TTN: variants seen among roughly 807,000 people sequenced by gnomAD.
The protein encoded by TTN is titin.
TTN carries 1,525 observed loss-of-function variants against 3,223.0 expected under a neutral mutation model. That is an observed-to-expected ratio of 0.47 (90% CI 0.45 to 0.49). The LOEUF is 0.49. Among genes scored for constraint, TTN ranks in the 20% least tolerant of loss-of-function variants. The pLI, the probability that TTN is intolerant of heterozygous loss-of-function variation, is 0.00. For missense variants in TTN, 40,786 were observed against 43,424.0 expected (o/e 0.94, Z 5.40); for synonymous variants, 14,094 against 15,161.0 (o/e 0.93, Z 5.17).
chr2:178,610,574 C>T (rs957533178), intron 270 of TTN, among the ~76,000 whole-genome samples, 185 bp from the exon 271 acceptor site: 1 of 151,848 alleles, frequency 6.6e-6, no homozygotes, highest in African/African-American at 2.4e-5. Flanking sequence ...TGGTATCTAC[C>T]TCAAGTCTGT....
rs1470719123 is a variant in TTN, at chr2:178,713,207, A to G, written c.26927T>C (p.Leu8976Pro). The G allele has an allele frequency of 6.2e-7, 1 of 1,613,568 alleles. No homozygotes were observed. The highest frequency in any genetic ancestry group is 8.5e-7 in the Non-Finnish European group (1 of 1,179,742). ...AGTTAAAGCACAAGTATTATCTGTC[A>G]GGGTGGTCTGGTATTTCCTTCCACT... ...ISSGRKYQTT[L>P]TDNTCALTVN... Residue 8976 changes from leucine to proline, a missense_variant, in exon 93 of 363, where the codon CTG (leucine) becomes CCG (proline). Physicochemically the swap from Leu to Pro is moderately conservative, Grantham distance 98. Coordinates refer to ENST00000589042, the MANE Select transcript of TTN (RefSeq NM_001267550.2).
intron 150 of TTN, 91 bp downstream of exon 150, chr2:178,674,948 G>T: frequency 1.5e-6 from 1 of 647,910 alleles, no homozygotes; most frequent in Non-Finnish European, 2.4e-6. Context: ...TTGATTTCCT[G>T]GGGTAAATTT....
At position 178,621,178 on chromosome 2, in the gene TTN, A is replaced by G. The variant is rs1375968752; in HGVS notation, c.45540T>C (p.Asp15180=). Residue 15180 remains aspartate (D), a synonymous_variant, in exon 246 of 363, where the codon GAT becomes GAC. Coordinates refer to ENST00000589042, the MANE Select transcript of TTN (RefSeq NM_001267550.2). ...AAGTGCCCATATCTTGTAATGTGGC[A>G]TCTTTCACAACTAGGACCCTCTTTT... is the stretch of plus-strand genomic sequence containing the variant. ...DGKKRVLVVK[D]ATLQDMGTYV... 1.2e-6 allele frequency: 2 copies of G among 1,612,574 alleles called. No homozygotes were observed. The highest frequency in any genetic ancestry group is 3.3e-5 in the Admixed American group (2 of 59,826).
rs906583017 is a variant in TTN, at chr2:178,554,533, A to T, written c.88814T>A (p.Ile29605Asn). The change falls in exon 332 of 363, where the codon ATC (isoleucine) becomes AAC (asparagine). Residue 29605 changes from isoleucine to asparagine, a missense_variant. Physicochemically the swap from Ile to Asn is moderately radical, Grantham distance 149. Transcript: ENST00000589042. Reference sequence around the variant, plus strand: ...TTTGTTCACGGCTCGGACCCGGAAGATGTATTCATTTCCTTTGATAATTTT... The same window carrying T: ...TTTGTTCACGGCTCGGACCCGGAAGTTGTATTCATTTCCTTTGATAATTTT... ...TTKIIKGNEY[I>N]FRVRAVNKYG... The T allele has an allele frequency of 1.2e-6, 2 of 1,613,576 alleles. No individual in the cohort carries two copies. The highest frequency in any genetic ancestry group is 1.7e-6 in the Non-Finnish European group (2 of 1,179,836).
rs1354157936 is a variant in TTN at position 178,590,528 on chromosome 2, A to G, written c.61197T>C (p.Gly20399=). The G allele has an allele frequency of 1.9e-6, 3 of 1,612,840 alleles. No homozygotes were observed. The highest frequency in any genetic ancestry group is 2.5e-6 in the Non-Finnish European group (3 of 1,179,360). The change falls in exon 304 of 363, where the codon GGT becomes GGC. Residue 20399 remains glycine (G), a synonymous_variant. Transcript: ENST00000589042. ...DLVWTKPLSD[G]GSPILGYVVE... ...CTACATATCCTAGAATGGGGCTACC[A>G]CCATCACTGAGAGGCTTTGTCCACA... is the stretch of plus-strand genomic sequence containing the variant.
At position 178,618,386 on chromosome 2, in the gene TTN, C is replaced by T. The variant is rs2057730753; in HGVS notation, c.47072G>A (p.Gly15691Asp). 3 of 1,612,360 alleles carry T rather than the reference C, an allele frequency of 1.9e-6. No homozygotes were observed. In the African/African-American group the frequency reaches 4.0e-5, roughly 22 times the overall value. ...AATGTCACGTCTTTCAACAACGTAA[C>T]CTATGATTTTGCTTCCACCATCAGT... is the stretch of plus-strand genomic sequence containing the variant. ...PLTDGGSKII[G>D]YVVERRDIKR... Residue 15691 changes from glycine (G) to aspartate (D), a missense_variant, in exon 252 of 363, where the codon GGT becomes GAT. Physicochemically the swap from Gly to Asp is moderately conservative, Grantham distance 94. Coordinates refer to ENST00000589042, the MANE Select transcript of TTN (RefSeq NM_001267550.2).
At position 178,563,203 on chromosome 2, in the gene TTN, G is replaced by A; in HGVS notation, c.82929C>T (p.Asn27643=). Residue 27643 remains asparagine, a synonymous_variant, in exon 326 of 363, where the codon AAC becomes AAT. Transcript: ENST00000589042. This position sits in a 1 kb window ranked among gnomAD's most constrained non-coding sequence, Gnocchi z 4.5. ...CAGAATTGATGGCACAAATACGGAAGTTATATTCAGTGTTTTCTTTAAGCT... is the reference window on the plus strand; with the variant it reads ...CAGAATTGATGGCACAAATACGGAAATTATATTCAGTGTTTTCTTTAAGCT... ...VTKLKENTEY[N]FRICAINSEG... 6.2e-7 allele frequency: 1 copy of A among 1,613,730 alleles called. No individual in the cohort carries two copies. The highest frequency in any genetic ancestry group is 1.1e-5 in the South Asian group (1 of 91,078).
intron 240 of TTN, chr2:178,628,655 C>A (rs932091374): frequency 6.6e-6 from 1 of 151,996 alleles, no homozygotes; most frequent in African/African-American, 2.4e-5. Flanking sequence ...TAGTTATTTA[C>A]CAAAGCTTAA....
intron 359 of TTN, 138 bp from the exon 360 acceptor site, chr2:178,529,357 T>C: frequency 1.7e-6 from 1 of 577,708 alleles, no homozygotes; most frequent in Non-Finnish European, 2.7e-6. Context: ...CCTAATACTT[T>C]CTCAGTTCCA....
chr2:178,730,187 G>A lies in TTN; in HGVS notation c.18213C>T (p.Leu6071=). The stretch of plus-strand genomic sequence containing the variant: ...CAGAATCGGTAGCTTTGGCTGCAAA[G>A]AGCTCTAGACTGGTAGAGGTGTCAT... ...WKDDTSTSLE[L]FAAKATDSGT... The change falls in exon 62 of 363, where the codon CTC becomes CTT. Residue 6071 remains leucine (L), a synonymous_variant. Coordinates refer to ENST00000589042, the MANE Select transcript of TTN (RefSeq NM_001267550.2). The A allele has an allele frequency of 6.2e-7, 1 of 1,613,478 alleles. No homozygotes were observed. Among genetic ancestry groups the A allele is most frequent in the South Asian group, 1.1e-5 (1 of 91,052 alleles).
At chr2:178,619,092 T>G (rs1217114766) in intron 250 of TTN, 2 of 565,722 alleles carry the variant, frequency 3.5e-6, no homozygotes, top group African/African-American at 3.8e-5. Flanking sequence ...AGACATGCAT[T>G]CCTTGCCAAA....
At chr2:178,738,553 T>C (rs947492393) in intron 48 of TTN, among the ~76,000 whole-genome samples, 193 bp from the exon 49 acceptor site, 1 of 151,888 alleles carries the variant, frequency 6.6e-6, no homozygotes, top group Non-Finnish European at 1.5e-5. Context: ...AAGCTTTTTT[T>C]AAAAAAAACC....
rs1162582746 is a variant in TTN, at chr2:178,582,980, T to C, written c.65823A>G (p.Ser21941=). Residue 21941 remains serine, a synonymous_variant, in exon 313 of 363, where the codon TCA becomes TCG. Coordinates refer to ENST00000589042, the MANE Select transcript of TTN (RefSeq NM_001267550.2). The part of the protein sequence containing the change: ...SGDYTITAEN[S]SGSKSATIKL... ...TAATGGTGGCTGATTTAGAACCACT[T>C]GAATTTTCAGCAGTAATGGTATAGT... 2 of 1,554,032 alleles carry C rather than the reference T, an allele frequency of 1.3e-6. No homozygotes were observed. The highest frequency in any genetic ancestry group is 1.7e-6 in the Non-Finnish European group (2 of 1,147,402).
chr2:178,650,832 G>A lies in TTN; in HGVS notation c.39628C>T (p.Pro13210Ser). The change falls in exon 209 of 363, where the codon CCA becomes TCA. Residue 13210 changes from proline (P) to serine (S), a missense_variant and splice_region_variant. Transcript: ENST00000589042. ...KKPEVPPAKV[P>S]EVPKKPVLEE... The stretch of plus-strand genomic sequence containing the variant: ...AAGACAGGTTTCTTTGGCACTTCTG[G>A]CACTTTAAAGATATTAATTCATTTT... 1 of 1,601,338 alleles carries A rather than the reference G, an allele frequency of 6.2e-7. No individual in the cohort carries two copies. Among genetic ancestry groups the A allele is most frequent in the Non-Finnish European group, 8.5e-7 (1 of 1,173,306 alleles).
intron 49 of TTN, chr2:178,737,258 G>A (rs1034284273): frequency 4.6e-5 from 7 of 151,732 alleles, no homozygotes; most frequent in Non-Finnish European, 1.0e-4. Flanking sequence ...ATATCAATTA[G>A]AAAATTGGGA....
In TTN at chr2:178,610,924, A is replaced by G. The variant is rs901580916; in HGVS notation, c.51136+69T>C. 2.5e-6 allele frequency: 4 copies of G among 1,573,660 alleles called. No homozygotes were observed. The African/African-American group carries it at 4.1e-5, about 16-fold the overall frequency. Reference sequence around the variant, plus strand: ...TCATGAAGCCAATTATATTATTAATAGCACTGCAAAGTTAACTAATTTCCT... The same window carrying G: ...TCATGAAGCCAATTATATTATTAATGGCACTGCAAAGTTAACTAATTTCCT... On this transcript the variant is annotated intron_variant, in intron 270 of 362. Transcript: ENST00000589042.
chr2:178,806,273 T>G (rs1311614764), intron 1 of TTN, among the ~76,000 whole-genome samples: 2 of 152,222 alleles, frequency 1.3e-5, no homozygotes, highest in African/African-American at 4.8e-5. Flanking sequence ...TAACTTTGTC[T>G]GTTTATAAGT....
chr2:178,667,588 AG>A, intron 160 of TTN, 49 bp downstream of exon 160: 1 of 1,577,564 alleles, frequency 6.3e-7, no homozygotes, highest in Non-Finnish European at 8.6e-7. Flanking sequence ...GCTTTTTAAA[AG>A]GGGCCAAAAA....
rs201766927 is a variant in TTN at position 178,719,639 on chromosome 2, G to T, written c.23853C>A (p.Ala7951=). The change falls in exon 82 of 363, where the codon GCC becomes GCA. Residue 7951 remains alanine (A), a synonymous_variant. Coordinates refer to ENST00000589042, the MANE Select transcript of TTN (RefSeq NM_001267550.2). ...NKVASLKIPC[A]EMSDKGLYSF... is the part of the protein sequence containing the mutation. ...TATATAATCCTTTGTCACTCATTTCGGCACAGGGGATTTTAAGGGAAGCCA... is the reference window on the plus strand; with the variant it reads ...TATATAATCCTTTGTCACTCATTTCTGCACAGGGGATTTTAAGGGAAGCCA... 3.6e-3 allele frequency: 5,779 copies of T among 1,613,576 alleles called. 43 individuals carry two copies. The highest frequency in any genetic ancestry group is 0.014 in the South Asian group (1,315 of 91,062).
Sources: allele counts gnomAD v4.1 joint callset (sites outside exome capture counted in the v4.1 genomes callset), GRCh38; gene constraint gnomAD v4.1.1; non-coding constraint Gnocchi (gnomAD v3.1); transcripts MANE v1.5; gene names NCBI Gene and HGNC (gene_info 2026-07-23, HGNC 2026-07-21).